The following MED4 variants were observed in gnomAD, a reference collection of about 807,000 sequenced individuals.
MED4 encodes the protein mediator of RNA polymerase II transcription subunit 4.
A neutral mutation model predicts 35.0 loss-of-function variants in MED4; 21 were observed. The observed-to-expected ratio is 0.60, with a 90% CI of 0.43 to 0.86. MED4 has a LOEUF of 0.86. Ranked by LOEUF, MED4 falls within the 40% of genes least tolerant of loss-of-function variation. The probability of loss-of-function intolerance (pLI) is 0.00; values close to 1 mark genes in which losing one functional copy is unlikely to be tolerated. For synonymous variants in MED4, 138 were observed against 114.0 expected (o/e 1.21, Z -1.34); for missense variants, 300 against 319.4 (o/e 0.94, Z 0.46).
chr13:48,089,846 T>C (rs1950878351), intron 2 of MED4, among the ~76,000 whole-genome samples: 1 of 152,148 alleles, frequency 6.6e-6, no homozygotes, highest in Non-Finnish European at 1.5e-5. Flanking sequence ...TCACCCACCA[T>C]GGAAAATTAG....
chr13:48,093,499 T>A (rs1188598708), intron 1 of MED4: 2 of 391,934 alleles, frequency 5.1e-6, no homozygotes, highest in South Asian at 3.8e-5. Context: ...CAAATTACAT[T>A]CAGAGACTGA....
At chr13:48,090,577 C>G (rs1950883358) in intron 1 of MED4, among the ~76,000 whole-genome samples, 159 bp from the exon 2 acceptor site, 1 of 152,180 alleles carries the variant, frequency 6.6e-6, no homozygotes, top group African/African-American at 2.4e-5. Context: ...TTAATACTAT[C>G]ATTATATAAA....
At chr13:48,094,601 G>A (rs1361454789) in intron 1 of MED4, among the ~76,000 whole-genome samples, 2 of 151,884 alleles carry the variant, frequency 1.3e-5, no homozygotes, top group African/African-American at 2.4e-5. Context: ...CCCCAAGCCA[G>A]TTTACACATC....
chr13:48,088,981 T>C (rs764402996), intron 2 of MED4, among the ~76,000 whole-genome samples: 24 of 152,242 alleles, frequency 1.6e-4, no homozygotes, highest in Non-Finnish European at 2.6e-4. Context: ...GTGCTGATTA[T>C]AGGTCTTAAT....
intron 4 of MED4, among the ~76,000 whole-genome samples, chr13:48,082,448 C>T (rs773791200): frequency 1.3e-5 from 2 of 152,298 alleles, no homozygotes; most frequent in South Asian, 2.1e-4. Context: ...AATCAAACAA[C>T]GGTCTAGAAG....
intron 5 of MED4, among the ~76,000 whole-genome samples, chr13:48,081,106 T>C (rs1034382176): frequency 1.3e-4 from 20 of 152,372 alleles, no homozygotes; most frequent in African/African-American, 4.8e-4. Flanking sequence ...CTTCCTCCAA[T>C]AAGGCTGCTA....
rs1294860908 is a variant in MED4 at position 48,095,055 on chromosome 13, C to T, written c.24G>A (p.Glu8=). 1 of 1,605,412 alleles carries T rather than the reference C, an allele frequency of 6.2e-7. No homozygotes were observed. Among genetic ancestry groups the T allele is most frequent in the South Asian group, 1.1e-5 (1 of 91,088 alleles). Residue 8 remains glutamate (E), a synonymous_variant, in exon 1 of 7, where the codon GAG becomes GAA. Coordinates refer to ENST00000258648, the MANE Select transcript of MED4 (RefSeq NM_014166.4). MAASSSG[E]KEKERLGGGL... ...CGCCTCCCAGCCGCTCCTTCTCCTT[C>T]TCACCACTCGAAGACGCAGCCATTT...
chr13:48,093,493 T>C, intron 1 of MED4: 1 of 372,310 alleles, frequency 2.7e-6, no homozygotes, highest in South Asian at 2.0e-5. Context: ...CAGACACAAA[T>C]TACATTCAGA....
Position 48,086,432 on chromosome 13 carries a change from G to A in MED4, c.213C>T (p.His71=), listed in dbSNP as rs1447973383. 2 of 1,613,318 alleles carry A rather than the reference G, an allele frequency of 1.2e-6. No homozygotes were observed. Among genetic ancestry groups the A allele is most frequent in the South Asian group, 1.1e-5 (1 of 91,050 alleles). The stretch of plus-strand genomic sequence containing the variant: ...TTAGTTCTTGAAATTCCCCATCTCG[G>A]TGAATTAACAACTCCAGGACCTGTC... ...EENQVLELLI[H]RDGEFQELMK... Residue 71 remains histidine (H), a synonymous_variant, in exon 3 of 7, where the codon CAC becomes CAT. Coordinates refer to ENST00000258648, the MANE Select transcript of MED4 (RefSeq NM_014166.4).
At position 48,079,852 on chromosome 13, in the gene MED4, C is replaced by G; in HGVS notation, c.632G>C (p.Arg211Thr). 1.2e-6 allele frequency: 2 copies of G among 1,613,584 alleles called. No individual in the cohort carries two copies. Among genetic ancestry groups the G allele is most frequent in the Non-Finnish European group, 1.7e-6 (2 of 1,179,644 alleles). The part of the protein sequence containing the change: ...HLPGDALAAG[R>T]LPDVLAPQYP... Reference sequence around the variant, plus strand: ...CTTCGGCTTAACATTACCTGGCAATCTTCCTGCTGCAAGTGCATCTCCTGG... The same window carrying G: ...CTTCGGCTTAACATTACCTGGCAATGTTCCTGCTGCAAGTGCATCTCCTGG... Residue 211 changes from arginine to threonine, a missense_variant, in exon 6 of 7, where the codon AGA becomes ACA. By Grantham distance (71) the Arg-to-Thr change is moderately conservative (BLOSUM62 -1). Transcript: ENST00000258648.
At chr13:48,086,151 G>T in intron 3 of MED4, 131 bp downstream of exon 3, 1 of 779,206 alleles carries the variant, frequency 1.3e-6, no homozygotes, top group Non-Finnish European at 2.1e-6. Context: ...TGGCAATGGT[G>T]AGTGACAAGA....
intron 3 of MED4, among the ~76,000 whole-genome samples, chr13:48,084,983 C>A (rs1950838889): frequency 6.6e-6 from 1 of 152,052 alleles, no homozygotes; most frequent in African/African-American, 2.4e-5. Flanking sequence ...TCTCCTGCCT[C>A]AGCCTCCCAA....
chr13:48,081,761 C>A, intron 4 of MED4, 30 bp from the exon 5 acceptor site: 4 of 1,403,116 alleles, frequency 2.9e-6, no homozygotes, highest in South Asian at 2.6e-5. Context: ...ACAGTATAAC[C>A]TGTAGTCTAA....
At position 48,077,147 on chromosome 13, in the gene MED4, A is replaced by T. The variant is rs1950766107; in HGVS notation, c.805T>A (p.Ser269Thr). 6.2e-7 allele frequency: 1 copy of T among 1,603,726 alleles called. No individual in the cohort carries two copies. Among genetic ancestry groups the T allele is most frequent in the Non-Finnish European group, 8.5e-7 (1 of 1,176,282 alleles). The change falls in exon 7 of 7, where the codon TCT becomes ACT. Residue 269 changes from serine to threonine, a missense_variant. Ser to Thr is a moderately conservative substitution (Grantham distance 58). Transcript: ENST00000258648. ...TTGTCTTTTAAGGTTTTTCAATCAGACTCACTACTACTGCTTGAGGAGTCC... is the reference window on the plus strand; with the variant it reads ...TTGTCTTTTAAGGTTTTTCAATCAGTCTCACTACTACTGCTTGAGGAGTCC... ...STDSSSSSSE[S>T]D
intron 1 of MED4, 22 bp from the exon 2 acceptor site, chr13:48,090,440 C>A: frequency 1.3e-6 from 2 of 1,547,060 alleles, no homozygotes; most frequent in Non-Finnish European, 1.8e-6. Flanking sequence ...AAACCAACAA[C>A]AACAAAAACC....
At chr13:48,088,772 C>T (rs1272408065) in intron 2 of MED4, among the ~76,000 whole-genome samples, 1 of 152,198 alleles carries the variant, frequency 6.6e-6, no homozygotes, top group Non-Finnish European at 1.5e-5. Context: ...GGAGGTTGAA[C>T]TGAACATCGT....
chr13:48,095,063 T>C lies in MED4; in HGVS notation c.16A>G (p.Ser6Gly). ...AGCCGCTCCTTCTCCTTCTCACCAC[T>C]CGAAGACGCAGCCATTTTCCCCAGA... MAASS[S>G]GEKEKERLGG... is the part of the protein sequence containing the mutation. The change falls in exon 1 of 7, where the codon AGT becomes GGT. Residue 6 changes from serine (S) to glycine (G), a missense_variant. Transcript: ENST00000258648. The C allele has an allele frequency of 6.2e-7, 1 of 1,604,566 alleles. No individual in the cohort carries two copies. Among genetic ancestry groups the C allele is most frequent in the Non-Finnish European group, 8.5e-7 (1 of 1,179,874 alleles).
At chr13:48,092,147 G>A (rs1478854284) in intron 1 of MED4, among the ~76,000 whole-genome samples, 2 of 152,054 alleles carry the variant, frequency 1.3e-5, no homozygotes, top group Non-Finnish European at 2.9e-5. Context: ...TGCTCTTGTT[G>A]CCCAGGCTGG....
intron 6 of MED4, among the ~76,000 whole-genome samples, chr13:48,077,944 G>A (rs1950774287): frequency 6.6e-6 from 1 of 151,902 alleles, no homozygotes; most frequent in Non-Finnish European, 1.5e-5. Context: ...ATGTATACTA[G>A]GTTATGTAGA....
Sources: allele counts gnomAD v4.1 joint callset (sites outside exome capture counted in the v4.1 genomes callset), GRCh38; gene constraint gnomAD v4.1.1; transcripts MANE v1.5; gene names NCBI Gene and HGNC (gene_info 2026-07-23, HGNC 2026-07-21).